Variants in UNC79 observed in about 807,000 individuals in gnomAD.
The protein encoded by UNC79 is unc-79 subunit of NALCN channel complex.
In UNC79, 37 loss-of-function variants were observed where a neutral mutation model predicts 283.1. The observed-to-expected ratio is 0.13, with a 90% CI of 0.10 to 0.17. UNC79 has a LOEUF of 0.17. UNC79 is among the 10% of genes least tolerant of loss of function. The probability of loss-of-function intolerance (pLI) is 1.00; values close to 1 mark genes in which losing one functional copy is unlikely to be tolerated. For missense variants in UNC79, 2,272 were observed against 3,211.1 expected (o/e 0.71, Z 7.07); for synonymous variants, 1,107 against 1,200.2 (o/e 0.92, Z 1.61).
chr14:93,491,284 T>C (rs549645385), intron 5 of UNC79, among the ~76,000 whole-genome samples: 1 of 152,026 alleles, frequency 6.6e-6, no homozygotes. Flanking sequence ...AAATCTCTTA[T>C]GATTATTATA....
chr14:93,540,769 G>C lies in UNC79; in HGVS notation c.1462G>C (p.Asp488His), dbSNP rs2061336290. ...CCATTCCCTGGATAATGCTGACTTT[G>C]ATAACAAGGACGATGATAAACACGA... The change falls in exon 13 of 49, where the codon GAT becomes CAT. Residue 488 changes from aspartate (D) to histidine (H), a missense_variant. Asp to His is a moderately conservative substitution (Grantham distance 81). Transcript: ENST00000555664. 2.5e-6 allele frequency: 4 copies of C among 1,613,682 alleles called. No homozygotes were observed. The East Asian group carries it at 8.9e-5, about 36-fold the overall frequency.
chr14:93,582,148 G>A lies in UNC79; in HGVS notation c.2662-55G>A, dbSNP rs117291250. On this transcript the variant is annotated intron_variant, in intron 19 of 48. Coordinates refer to ENST00000555664, the Ensembl canonical transcript of UNC79. Reference sequence around the variant, plus strand: ...CCAGCTTTGCTGAGCTGAGCAAACCGTTCCTGACACCCCTCCAGGGCTGCT... The same window carrying A: ...CCAGCTTTGCTGAGCTGAGCAAACCATTCCTGACACCCCTCCAGGGCTGCT... 4.6e-3 allele frequency: 7,488 copies of A among 1,612,994 alleles called. 275 individuals are homozygous for A. In the South Asian group the frequency reaches 0.061, roughly 13 times the overall value.
At chr14:93,376,773 A>G (rs2054567946) in intron 1 of UNC79, among the ~76,000 whole-genome samples, 1 of 151,820 alleles carries the variant, frequency 6.6e-6, no homozygotes. Context: ...TTGTTACAAA[A>G]AATATACTCC....
intron 1 of UNC79, among the ~76,000 whole-genome samples, chr14:93,458,497 A>G (rs765542334): frequency 4.6e-5 from 7 of 152,188 alleles, no homozygotes; most frequent in Non-Finnish European, 1.0e-4. Flanking sequence ...GGAGTAGCCA[A>G]TTTGCAGGAA....
intron 18 of UNC79, among the ~76,000 whole-genome samples, chr14:93,578,350 A>G (rs74873473): frequency 0.013 from 2,029 of 152,360 alleles, 19 homozygotes; most frequent in Middle Eastern, 0.027. Context: ...GGATGATACT[A>G]TTGTTGGGAA....
chr14:93,602,985 G>T (rs938949157), intron 25 of UNC79, among the ~76,000 whole-genome samples: 1 of 152,110 alleles, frequency 6.6e-6, no homozygotes, highest in African/African-American at 2.4e-5. Flanking sequence ...TGAATAGGTG[G>T]AGAAAAGACT....
chr14:93,510,894 T>C (rs2140855704), intron 7 of UNC79, among the ~76,000 whole-genome samples: 1 of 152,350 alleles, frequency 6.6e-6, no homozygotes, highest in East Asian at 1.9e-4. Context: ...CCCACTTCTC[T>C]AGTATGAATT....
At chr14:93,547,316 C>T (rs1436888285) in intron 14 of UNC79, among the ~76,000 whole-genome samples, 1 of 152,194 alleles carries the variant, frequency 6.6e-6, no homozygotes, top group Non-Finnish European at 1.5e-5. Flanking sequence ...TTTCCATAGA[C>T]TTCAACTTAT....
At chr14:93,512,733 A>AT (rs1324792993) in intron 7 of UNC79, among the ~76,000 whole-genome samples, 3 of 151,984 alleles carry the variant, frequency 2.0e-5, no homozygotes, top group African/African-American at 4.8e-5. Context: ...TCTTTTAGCT[A>AT]TTTTTTACAG....
intron 7 of UNC79, among the ~76,000 whole-genome samples, chr14:93,504,225 C>T (rs914537609): frequency 2.0e-5 from 3 of 150,656 alleles, no homozygotes; most frequent in Admixed American, 6.7e-5. Flanking sequence ...TCTTCATCTT[C>T]CTTGTCTTCA....
At chr14:93,644,544 A>G (rs1168258889) in intron 34 of UNC79, among the ~76,000 whole-genome samples, 1 of 152,096 alleles carries the variant, frequency 6.6e-6, no homozygotes, top group Non-Finnish European at 1.5e-5. Context: ...GCCAAATAAG[A>G]TAGGGTGTGA....
chr14:93,600,408 C>T (rs79559414), intron 24 of UNC79, among the ~76,000 whole-genome samples, 161 bp from the exon 25 acceptor site: 5 of 152,206 alleles, frequency 3.3e-5, no homozygotes, highest in Non-Finnish European at 5.9e-5. Flanking sequence ...ACCAAAACTT[C>T]GAATCAAAAA....
At position 93,688,776 on chromosome 14, in the gene UNC79, G is replaced by A. The variant is rs898321840; in HGVS notation, c.7021G>A (p.Asp2341Asn). Reference sequence around the variant, plus strand: ...GGACATCTCACGGGGCAACCACAGAGATAACAAAGCTGTGATCCGCTATCT... The same window carrying A: ...GGACATCTCACGGGGCAACCACAGAAATAACAAAGCTGTGATCCGCTATCT... The change falls in exon 44 of 49, where the codon GAT becomes AAT. Residue 2341 changes from aspartate to asparagine, a missense_variant. Asp to Asn is a conservative substitution (Grantham distance 23). Transcript: ENST00000555664. This position sits in a 1 kb window ranked among gnomAD's most constrained non-coding sequence, Gnocchi z 4.0. 2 of 1,614,020 alleles carry A rather than the reference G, an allele frequency of 1.2e-6. No homozygotes were observed. The highest frequency in any genetic ancestry group is 1.3e-5 in the African/African-American group (1 of 74,908).
chr14:93,581,336 A>G (rs2063783959), intron 19 of UNC79, among the ~76,000 whole-genome samples: 1 of 150,936 alleles, frequency 6.6e-6, no homozygotes, highest in Non-Finnish European at 1.5e-5. Flanking sequence ...CCATGCCTGG[A>G]TAATTTTAAA....
chr14:93,406,974 T>C (rs2055238977), intron 1 of UNC79, among the ~76,000 whole-genome samples: 1 of 152,074 alleles, frequency 6.6e-6, no homozygotes, highest in Non-Finnish European at 1.5e-5. Flanking sequence ...TAGGGAGGAA[T>C]TCTTCATTTT....
At chr14:93,635,008 T>C (rs551306778) in intron 31 of UNC79, among the ~76,000 whole-genome samples, 1 of 152,328 alleles carries the variant, frequency 6.6e-6, no homozygotes, top group African/African-American at 2.4e-5. Flanking sequence ...AATGAGGGAA[T>C]ATTTATAGTA....
At chr14:93,672,467 AT>A (rs752204052) in intron 40 of UNC79, among the ~76,000 whole-genome samples, 2 of 152,152 alleles carry the variant, frequency 1.3e-5, no homozygotes, top group Non-Finnish European at 2.9e-5. Context: ...AAAAAGATTG[AT>A]TTCATGGAGG....
intron 1 of UNC79, among the ~76,000 whole-genome samples, chr14:93,419,384 A>G (rs2839864): frequency 0.7 from 105,765 of 150,844 alleles, 38,073 homozygotes; most frequent in Middle Eastern, 0.78. Flanking sequence ...GGCCAGGCTC[A>G]TCTTGAACTC....
intron 17 of UNC79, among the ~76,000 whole-genome samples, chr14:93,576,849 C>G (rs970441844): frequency 6.6e-5 from 10 of 152,146 alleles, no homozygotes; most frequent in African/African-American, 2.4e-4. Context: ...CTGGTACCTC[C>G]CATTGACTGA....
Sources: allele counts gnomAD v4.1 joint callset (sites outside exome capture counted in the v4.1 genomes callset), GRCh38; gene constraint gnomAD v4.1.1; non-coding constraint Gnocchi (gnomAD v3.1); transcripts MANE v1.5; gene names NCBI Gene and HGNC (gene_info 2026-07-23, HGNC 2026-07-21).